The following SHANK2 variants were observed in gnomAD, a reference collection of about 807,000 sequenced individuals.
SHANK2 encodes SH3 and multiple ankyrin repeat domains 2.
SHANK2 carries 43 observed loss-of-function variants against 133.7 expected under a neutral mutation model. The observed-to-expected ratio is 0.32, with a 90% CI of 0.25 to 0.41. SHANK2 has a LOEUF of 0.41. Among genes scored for constraint, SHANK2 ranks in the 10% least tolerant of loss-of-function variants. SHANK2 has a pLI of 1.00. For missense variants in SHANK2, 1,994 were observed against 2,235.8 expected, an observed-to-expected ratio of 0.89 and a Z score of 2.18; for synonymous variants, 1,017 against 952.8, an observed-to-expected ratio of 1.07 and a Z score of -1.24.
At chr11:71,093,053 G>T (rs947323128) in intron 7 of SHANK2, among the ~76,000 whole-genome samples, 1 of 103,522 alleles carries the variant, frequency 9.7e-6, no homozygotes. Context: ...AAAAATAAAG[G>T]GGGGGGGGGG....
At chr11:70,480,566 G>A (rs556322641) in intron 25 of SHANK2, among the ~76,000 whole-genome samples, 2 of 152,272 alleles carry the variant, frequency 1.3e-5, no homozygotes, top group African/African-American at 4.8e-5. Flanking sequence ...CTCCCCTCGA[G>A]AATTTGAGCT....
chr11:70,855,363 C>T (rs145189852), intron 11 of SHANK2, among the ~76,000 whole-genome samples: 1 of 152,230 alleles, frequency 6.6e-6, no homozygotes, highest in Admixed American at 6.5e-5. Context: ...GCCCATCAGT[C>T]TGGCCCAACT....
At chr11:70,874,281 T>C (rs1949519939) in intron 11 of SHANK2, among the ~76,000 whole-genome samples, 2 of 151,828 alleles carry the variant, frequency 1.3e-5, no homozygotes, top group South Asian at 2.1e-4. Context: ...TCTAATCTAA[T>C]CTAATCTATC....
intron 11 of SHANK2, among the ~76,000 whole-genome samples, chr11:70,839,966 CA>C (rs879994672): frequency 3.9e-5 from 6 of 152,294 alleles, no homozygotes; most frequent in Non-Finnish European, 5.9e-5. Flanking sequence ...AACCAAAACC[CA>C]AAGGGAAGGG....
At chr11:71,184,040 C>T in intron 2 of SHANK2, among the ~76,000 whole-genome samples, 1 of 152,102 alleles carries the variant, frequency 6.6e-6, no homozygotes, top group East Asian at 1.9e-4. Context: ...AACTAGAGCC[C>T]CTGGGCTACA....
At chr11:70,645,338 A>AG (rs1404389554) in intron 17 of SHANK2, among the ~76,000 whole-genome samples, 3 of 152,092 alleles carry the variant, frequency 2.0e-5, no homozygotes, top group Admixed American at 2.0e-4. Flanking sequence ...GGGGCTGTCT[A>AG]GGGGGGCTAT....
chr11:71,155,240 G>A (rs1167910121), intron 2 of SHANK2, among the ~76,000 whole-genome samples: 1 of 117,576 alleles, frequency 8.5e-6, no homozygotes, highest in Non-Finnish European at 1.7e-5. Flanking sequence ...CCCAGCCCAC[G>A]CTCCCGGAGG....
intron 10 of SHANK2, among the ~76,000 whole-genome samples, chr11:70,917,644 T>C (rs936470536): frequency 2.6e-5 from 4 of 152,150 alleles, no homozygotes; most frequent in Non-Finnish European, 5.9e-5. Flanking sequence ...GAAAATGTGG[T>C]ACATATACAC....
chr11:70,527,806 AG>A (rs1483896196), intron 17 of SHANK2, among the ~76,000 whole-genome samples: 23 of 152,332 alleles, frequency 1.5e-4, no homozygotes, highest in African/African-American at 4.1e-4. Context: ...CAGAGGACAG[AG>A]GACACCCAGG....
intron 25 of SHANK2, among the ~76,000 whole-genome samples, chr11:70,475,590 G>C (rs1467878200): frequency 6.6e-6 from 1 of 152,190 alleles, no homozygotes; most frequent in African/African-American, 2.4e-5. Context: ...TGCTTAAAGT[G>C]TGGACTAGTC....
intron 10 of SHANK2, among the ~76,000 whole-genome samples, chr11:70,944,146 T>C (rs771334355): frequency 5.6e-4 from 85 of 152,376 alleles, no homozygotes; most frequent in Non-Finnish European, 5.9e-4. Flanking sequence ...TGCCTTTCTA[T>C]TTACATGTAA....
intron 14 of SHANK2, among the ~76,000 whole-genome samples, chr11:70,743,444 T>C (rs1237505403): frequency 1.3e-5 from 2 of 152,150 alleles, no homozygotes; most frequent in Non-Finnish European, 2.9e-5. Context: ...CTGCAGACCA[T>C]AAAGGACTTT....
chr11:71,207,218 CA>C (rs1954145076), intron 2 of SHANK2, among the ~76,000 whole-genome samples: 1 of 128,430 alleles, frequency 7.8e-6, no homozygotes, highest in Non-Finnish European at 1.6e-5. Flanking sequence ...CTTACTCTAT[CA>C]ACCAGGCTGG....
intron 11 of SHANK2, among the ~76,000 whole-genome samples, chr11:70,853,796 C>A (rs1348777185): frequency 6.6e-6 from 1 of 152,174 alleles, no homozygotes; most frequent in Non-Finnish European, 1.5e-5. Flanking sequence ...CCCTCCAGGG[C>A]CTCTAGGAGA....
chr11:70,891,636 C>T (rs2135632927), intron 11 of SHANK2, among the ~76,000 whole-genome samples: 1 of 152,302 alleles, frequency 6.6e-6, no homozygotes, highest in African/African-American at 2.4e-5. Context: ...TCCAAGGTCT[C>T]ATAGTTGGAA....
intron 7 of SHANK2, among the ~76,000 whole-genome samples, chr11:71,093,598 C>T (rs539479905): frequency 1.3e-5 from 2 of 152,276 alleles, no homozygotes; most frequent in East Asian, 1.9e-4. Flanking sequence ...CCTCCCACTC[C>T]GGTCACAGGA....
intron 17 of SHANK2, among the ~76,000 whole-genome samples, chr11:70,573,872 C>T (rs183969847): frequency 2.0e-5 from 3 of 152,366 alleles, no homozygotes; most frequent in East Asian, 1.9e-4. Flanking sequence ...CTGGTGACAG[C>T]GGAACCCGCT....
At chr11:71,228,528 C>T (rs894146479) in intron 1 of SHANK2, among the ~76,000 whole-genome samples, 30 of 152,194 alleles carry the variant, frequency 2.0e-4, no homozygotes, top group African/African-American at 6.5e-4. Flanking sequence ...GAGACCGAGG[C>T]GGTTGCATTA....
intron 14 of SHANK2, among the ~76,000 whole-genome samples, chr11:70,752,274 T>C (rs1245459488): frequency 5.9e-5 from 9 of 151,904 alleles, no homozygotes; most frequent in Admixed American, 1.3e-4. Context: ...AATTTACATA[T>C]AACAACATAG....
Sources: gnomAD v4.1 joint callset for allele counts (sites outside exome capture counted in the v4.1 genomes callset) on GRCh38, gnomAD v4.1.1 for gene constraint, MANE v1.5 for transcripts, NCBI Gene and HGNC (gene_info 2026-07-23, HGNC 2026-07-21) for gene names.